Variants in FCHO2 observed in about 807,000 individuals in gnomAD.
The protein encoded by FCHO2 is FCH and mu domain containing endocytic adaptor 2, also known as F-BAR domain only protein 2.
FCHO2 carries 43 observed loss-of-function variants against 114.1 expected under a neutral mutation model. The observed-to-expected ratio is 0.38, with a 90% CI of 0.30 to 0.49. The LOEUF is 0.49. Among genes scored for constraint, FCHO2 ranks in the 20% least tolerant of loss-of-function variants. The probability of loss-of-function intolerance (pLI) is 0.97; values close to 1 mark genes in which losing one functional copy is unlikely to be tolerated. For missense variants in FCHO2, 807 were observed against 950.4 expected (o/e 0.85, Z 1.98); for synonymous variants, 293 against 315.2 (o/e 0.93, Z 0.75).
rs151087251 is a variant in FCHO2, at chr5:72,978,875, T to G, written c.125+10286T>G. Among the ~76,000 whole-genome samples the G allele has an allele frequency of 3.6e-3, 543 of 152,266 alleles. 5 individuals carry two copies. Among genetic ancestry groups the G allele is most frequent in the African/African-American group, 0.013 (528 of 41,530 alleles). On this transcript the variant is annotated intron_variant, in intron 2 of 25. Coordinates refer to ENST00000430046, the MANE Select transcript of FCHO2 (RefSeq NM_138782.3). ...GCATGTATTGAGATAATCATGTGGT[T>G]TTTGTCATTGATTCTGTTTATGTGA...
At chr5:73,063,106 A>G (rs895194739) in intron 17 of FCHO2, among the ~76,000 whole-genome samples, 1 of 152,028 alleles carries the variant, frequency 6.6e-6, no homozygotes, top group East Asian at 1.9e-4. Context: ...ATGCTAATAC[A>G]TTTGTGACTT....
intron 8 of FCHO2, among the ~76,000 whole-genome samples, chr5:73,026,095 C>T (rs546316325): frequency 4.9e-4 from 75 of 152,000 alleles, no homozygotes; most frequent in African/African-American, 1.5e-3. Context: ...CCATTGAGAA[C>T]GCCTGCAGAA....
chr5:73,085,781 T>C (rs555217744), intron 24 of FCHO2, among the ~76,000 whole-genome samples: 846 of 5,014 alleles, frequency 0.17, 18 homozygotes, highest in Middle Eastern at 0.25. Context: ...TCTCAAAAAA[T>C]AAATAAATAA....
chr5:73,071,195 A>G (rs1400950122), intron 19 of FCHO2, among the ~76,000 whole-genome samples: 1 of 152,012 alleles, frequency 6.6e-6, no homozygotes, highest in Non-Finnish European at 1.5e-5. Flanking sequence ...AAAACACGAT[A>G]TTTTTGCATT....
chr5:73,006,404 T>G, intron 5 of FCHO2, 41 bp from the exon 6 acceptor site: 1 of 1,247,688 alleles, frequency 8.0e-7, no homozygotes. Context: ...AGAAAAAAGG[T>G]CAATGCACAG....
chr5:73,062,460 G>T (rs1343555293), intron 17 of FCHO2, among the ~76,000 whole-genome samples: 1 of 151,996 alleles, frequency 6.6e-6, no homozygotes, highest in Admixed American at 6.6e-5. Flanking sequence ...TTTCATTGAT[G>T]ATGAACATAT....
At chr5:73,047,554 C>CT (rs1757115570) in intron 11 of FCHO2, among the ~76,000 whole-genome samples, 1 of 148,244 alleles carries the variant, frequency 6.7e-6, no homozygotes, top group Admixed American at 6.7e-5. Context: ...TTCATAGAAA[C>CT]TTTTTTCCTT....
intron 18 of FCHO2, among the ~76,000 whole-genome samples, chr5:73,066,575 CTTTTT>C (rs3054234): frequency 9.9e-6 from 1 of 101,424 alleles, no homozygotes; most frequent in Non-Finnish European, 2.0e-5. Flanking sequence ...AGTGCCTTTT[CTTTTT>C]TTTTTTTTTT....
intron 5 of FCHO2, among the ~76,000 whole-genome samples, chr5:73,005,959 G>A (rs1019979799): frequency 1.3e-5 from 2 of 152,080 alleles, no homozygotes; most frequent in Non-Finnish European, 2.9e-5. Flanking sequence ...CACAACTTTC[G>A]AGATAGGTTT....
At position 73,080,927 on chromosome 5, in the gene FCHO2, A is replaced by T. The variant is rs547354928; in HGVS notation, c.1981-856A>T. Among the ~76,000 whole-genome samples, 13 of 152,176 alleles carry T rather than the reference A, an allele frequency of 8.5e-5. No individual in the cohort carries two copies. In the East Asian group the frequency reaches 1.9e-3, roughly 23 times the overall value. On this transcript the variant is annotated intron_variant, in intron 22 of 25. Coordinates refer to ENST00000430046, the MANE Select transcript of FCHO2 (RefSeq NM_138782.3). ...GGAGTTCAAGACCAGTCTGGGCAATAAAAAGAAACCCCATCTCTACAAAAA... is the reference window on the plus strand; with the variant it reads ...GGAGTTCAAGACCAGTCTGGGCAATTAAAAGAAACCCCATCTCTACAAAAA...
intron 6 of FCHO2, among the ~76,000 whole-genome samples, chr5:73,014,495 T>C (rs1755195291): frequency 6.6e-6 from 1 of 151,638 alleles, no homozygotes; most frequent in South Asian, 2.1e-4. Flanking sequence ...TCACCACGTT[T>C]GTCAGGCTGA....
At chr5:73,020,793 A>G in intron 8 of FCHO2, 1 of 953,448 alleles carries the variant, frequency 1.0e-6, no homozygotes, top group Non-Finnish European at 1.7e-6. Context: ...CCCCATCCTG[A>G]TCAGCCTCTT....
intron 11 of FCHO2, 111 bp downstream of exon 11, chr5:73,041,426 A>G: frequency 1.7e-6 from 1 of 599,494 alleles, no homozygotes; most frequent in East Asian, 3.3e-5. Context: ...AAATACCATC[A>G]TATTGTAAAT....
Position 73,088,764 on chromosome 5 carries a change from T to C in FCHO2, c.*674T>C, listed in dbSNP as rs1361814126. ...CAGCAGAGACATTTACTTCTGCAGTTAGTTAACTTTATAGGAGTTGTGATT... is the reference window on the plus strand; with the variant it reads ...CAGCAGAGACATTTACTTCTGCAGTCAGTTAACTTTATAGGAGTTGTGATT... On this transcript the variant is annotated 3_prime_UTR_variant, in exon 26 of 26. Coordinates refer to ENST00000430046, the MANE Select transcript of FCHO2 (RefSeq NM_138782.3). The C allele has an allele frequency of 6.6e-6, 1 of 152,646 alleles. No homozygotes were observed. The highest frequency in any genetic ancestry group is 1.5e-5 in the Non-Finnish European group (1 of 68,032). The allele number at this position is 152,646 out of a possible 1,614,324, so 9.5% of individuals were successfully genotyped here.
chr5:73,053,918 T>C (rs1757458253), intron 13 of FCHO2, among the ~76,000 whole-genome samples: 1 of 148,906 alleles, frequency 6.7e-6, no homozygotes, highest in Admixed American at 6.6e-5. Flanking sequence ...GAACATGTAT[T>C]AATTTCATAC....
chr5:73,066,192 A>G (rs1314275179), intron 18 of FCHO2, among the ~76,000 whole-genome samples: 1 of 152,016 alleles, frequency 6.6e-6, no homozygotes, highest in African/African-American at 2.4e-5. Context: ...CATCATCCCC[A>G]TATCACCATA....
intron 5 of FCHO2, chr5:72,996,852 G>A (rs968196788): frequency 1.2e-5 from 13 of 1,099,124 alleles, no homozygotes; most frequent in East Asian, 5.1e-5. Context: ...GGGGGCTGGC[G>A]GAGCTGTGCC....
chr5:72,996,971 G>A lies in FCHO2; in HGVS notation c.495+6107G>A, dbSNP rs1754153723. ...GCTGCGCACGTTCGTGGCCTTCGCC[G>A]CCAAGCTCTGGAGCTTCTCCGCCCT... On this transcript the variant is annotated intron_variant, in intron 5 of 25. Coordinates refer to ENST00000430046, the MANE Select transcript of FCHO2 (RefSeq NM_138782.3). 5.6e-6 allele frequency: 9 copies of A among 1,607,108 alleles called. No individual in the cohort carries two copies. In the Admixed American group the frequency reaches 8.4e-5, roughly 15 times the overall value.
At position 73,058,530 on chromosome 5, in the gene FCHO2, T is replaced by C. The variant is rs773667262; in HGVS notation, c.1345+6T>C. 1 of 1,065,458 alleles carries C rather than the reference T, an allele frequency of 9.4e-7. No individual in the cohort carries two copies. The highest frequency in any genetic ancestry group is 2.7e-5 in the East Asian group (1 of 37,702). The allele number at this position is 1,065,458 out of a possible 1,614,324, so 66.0% of individuals were successfully genotyped here. A position where few individuals can be genotyped will look rare whatever the true frequency, so the allele number is the denominator to read the frequency against. On this transcript the variant is annotated splice_donor_region_variant and intron_variant, in intron 17 of 25. Coordinates refer to ENST00000430046, the MANE Select transcript of FCHO2 (RefSeq NM_138782.3). ...ACTAACTTCATCATCATCAGGTAAA[T>C]ATATATATGTATATATGTATTTTTT...
Sources: gnomAD v4.1 joint callset for allele counts (sites outside exome capture counted in the v4.1 genomes callset) on GRCh38, gnomAD v4.1.1 for gene constraint, MANE v1.5 for transcripts, NCBI Gene and HGNC (gene_info 2026-07-23, HGNC 2026-07-21) for gene names.